Variants in KANK1 observed in about 807,000 individuals in gnomAD.
KANK1 encodes the protein KN motif and ankyrin repeat domain-containing protein 1.
Under a neutral mutation model 106.2 loss-of-function variants are expected in KANK1, and 109 were observed. The ratio of observed to expected loss-of-function variants is 1.03; its 90% CI spans 0.88 to 1.20. KANK1 has a LOEUF of 1.20. Among genes scored for constraint, KANK1 ranks in the 50% most tolerant of loss-of-function variants. The probability of loss-of-function intolerance (pLI) is 0.00; values close to 1 mark genes in which losing one functional copy is unlikely to be tolerated. For missense variants in KANK1, 2,399 were observed against 1,710.7 expected, an observed-to-expected ratio of 1.40 and a Z score of -7.10; for synonymous variants, 873 against 652.2, an observed-to-expected ratio of 1.34 and a Z score of -5.16.
At chr9:614,830 C>G (rs1021000067) in intron 1 of KANK1, among the ~76,000 whole-genome samples, 1 of 152,150 alleles carries the variant, frequency 6.6e-6, no homozygotes, top group Non-Finnish European at 1.5e-5. Context: ...AAAATCACTA[C>G]AGCCCATCAC....
chr9:488,651 C>G (rs553902402), intron 3 of KANK1, among the ~76,000 whole-genome samples: 1 of 152,276 alleles, frequency 6.6e-6, no homozygotes, highest in African/African-American at 2.4e-5. Context: ...ATCAAAAATG[C>G]TGCATACAGA....
Position 744,565 on chromosome 9 carries a change from C to G in KANK1, c.3972C>G (p.Val1324=). 1.2e-6 allele frequency: 2 copies of G among 1,614,130 alleles called. No individual in the cohort carries two copies. The highest frequency in any genetic ancestry group is 1.7e-6 in the Non-Finnish European group (2 of 1,180,024). Residue 1324 remains valine, a synonymous_variant, in exon 11 of 12, where the codon GTC becomes GTG. Transcript: ENST00000382297. The stretch of plus-strand genomic sequence containing the variant: ...TCGCTGTTCTTCTGTATGCCCATGT[C>G]AACTTTGCAAAAGCCCAGTCTCCGG... The part of the protein sequence containing the change: ...KDIAVLLYAH[V]NFAKAQSPGT...
intron 3 of KANK1, among the ~76,000 whole-genome samples, chr9:497,430 TCA>T (rs112024846): frequency 2.2e-4 from 33 of 150,812 alleles, no homozygotes; most frequent in Non-Finnish European, 3.5e-4. Context: ...ATGTGACTCT[TCA>T]CACACACACA....
chr9:742,405 C>A lies in KANK1; in HGVS notation c.3897C>A (p.Asn1299Lys). The A allele has an allele frequency of 6.2e-7, 1 of 1,609,336 alleles. No homozygotes were observed. The highest frequency in any genetic ancestry group is 8.5e-7 in the Non-Finnish European group (1 of 1,177,110). Residue 1299 changes from asparagine to lysine, a missense_variant and splice_region_variant, in exon 10 of 12, where the codon AAC becomes AAA. Physicochemically the swap from Asn to Lys is moderately conservative, Grantham distance 94. Coordinates refer to ENST00000382297, the MANE Select transcript of KANK1 (RefSeq NM_015158.5). ...GCTGCAACGGTCACCTAGAGGACAA[C>A]GTAAGCTGTCTCCATTGGGCCTCCT... The part of the protein sequence containing the change: ...QPGCNGHLED[N>K]DGSTALSIAL...
intron 1 of KANK1, among the ~76,000 whole-genome samples, chr9:558,637 A>G (rs1317285468): frequency 6.6e-6 from 1 of 152,064 alleles, no homozygotes; most frequent in East Asian, 1.9e-4. Context: ...ACACTAAGGC[A>G]TGATGTTTGG....
At chr9:710,496 T>G (rs1411092493) in intron 2 of KANK1, among the ~76,000 whole-genome samples, 1 of 151,646 alleles carries the variant, frequency 6.6e-6, no homozygotes, top group East Asian at 1.9e-4. Flanking sequence ...TGCACCCCTG[T>G]AATCCCAGCA....
chr9:619,826 G>C (rs1360302574), intron 1 of KANK1, among the ~76,000 whole-genome samples: 1 of 152,008 alleles, frequency 6.6e-6, no homozygotes, highest in Non-Finnish European at 1.5e-5. Context: ...TTTCCAAGCA[G>C]AGTTAGCTAG....
intron 1 of KANK1, among the ~76,000 whole-genome samples, chr9:529,806 A>G (rs1318941395): frequency 1.3e-5 from 2 of 152,216 alleles, no homozygotes; most frequent in African/African-American, 4.8e-5. Flanking sequence ...TGAATATGGA[A>G]TTACCAGGTG....
At chr9:731,036 T>G in intron 4 of KANK1, 122 bp from the exon 5 acceptor site, 1 of 468,722 alleles carries the variant, frequency 2.1e-6, no homozygotes, top group Non-Finnish European at 3.8e-6. Flanking sequence ...TTGTGGAAAC[T>G]TCTCACATAT....
chr9:502,165 T>C (rs574423922), upstream of KANK1, among the ~76,000 whole-genome samples: 8 of 152,138 alleles, frequency 5.3e-5, no homozygotes, highest in South Asian at 2.1e-4. Flanking sequence ...AGAAAGTAAA[T>C]TAGTGGTAGC....
At chr9:503,056 C>G (rs2058593451), upstream of KANK1, among the ~76,000 whole-genome samples, 1 of 145,612 alleles carries the variant, frequency 6.9e-6, no homozygotes, top group Non-Finnish European at 1.5e-5. Context: ...ACTGTATTGC[C>G]CAGAACTCCT....
intron 1 of KANK1, among the ~76,000 whole-genome samples, chr9:584,912 T>C (rs567090627): frequency 2.0e-5 from 3 of 152,300 alleles, no homozygotes; most frequent in South Asian, 4.1e-4. Flanking sequence ...CTTGTTTCCG[T>C]TTGCCTTCCT....
intron 1 of KANK1, among the ~76,000 whole-genome samples, chr9:514,240 CT>C (rs1302879291): frequency 1.9e-5 from 2 of 103,650 alleles, no homozygotes; most frequent in African/African-American, 1.5e-4. Flanking sequence ...CCCTCCCTCC[CT>C]TCCTTCCTTC....
chr9:566,321 G>A (rs1002769200), intron 1 of KANK1, among the ~76,000 whole-genome samples: 3 of 152,192 alleles, frequency 2.0e-5, no homozygotes, highest in African/African-American at 7.2e-5. Flanking sequence ...GTGAGCATAT[G>A]TGTGCATGCA....
intron 1 of KANK1, among the ~76,000 whole-genome samples, chr9:569,028 T>C (rs779670951): frequency 4.6e-5 from 7 of 152,108 alleles, no homozygotes; most frequent in Admixed American, 3.3e-4. Context: ...TACCCACCTG[T>C]AGAGGTTCAG....
At chr9:648,944 T>C (rs1840306833) in intron 1 of KANK1, among the ~76,000 whole-genome samples, 1 of 151,950 alleles carries the variant, frequency 6.6e-6, no homozygotes, top group South Asian at 2.1e-4. Context: ...CCTGGGAGAA[T>C]GTTTGTATTA....
At chr9:520,221 C>T (rs1446106603) in intron 1 of KANK1, among the ~76,000 whole-genome samples, 1 of 151,662 alleles carries the variant, frequency 6.6e-6, no homozygotes, top group Non-Finnish European at 1.5e-5. Flanking sequence ...CCCTGTAGTC[C>T]CGGCTACCTG....
chr9:658,934 C>T (rs1278962340), intron 1 of KANK1, among the ~76,000 whole-genome samples: 1 of 152,182 alleles, frequency 6.6e-6, no homozygotes, highest in Admixed American at 6.5e-5. Flanking sequence ...TTAAGGACCA[C>T]CCATTCCTAT....
chr9:531,802 A>G (rs1384542649), intron 1 of KANK1, among the ~76,000 whole-genome samples: 3 of 152,106 alleles, frequency 2.0e-5, no homozygotes, highest in East Asian at 1.9e-4. Context: ...CCTCACTGTT[A>G]CTCTGAAATA....
Sources: gnomAD v4.1 joint callset for allele counts (sites outside exome capture counted in the v4.1 genomes callset) on GRCh38, gnomAD v4.1.1 for gene constraint, MANE v1.5 for transcripts, NCBI Gene and HGNC (gene_info 2026-07-23, HGNC 2026-07-21) for gene names.